CHN2: variants seen among roughly 807,000 people sequenced by gnomAD.
CHN2 encodes the protein beta-chimaerin.
In CHN2, 35 loss-of-function variants were observed where a neutral mutation model predicts 56.3. The ratio of observed to expected loss-of-function variants is 0.62; its 90% CI spans 0.47 to 0.82. CHN2 has a LOEUF of 0.82. Among genes scored for constraint, CHN2 ranks in the 40% least tolerant of loss-of-function variants. The pLI is 0.00. For synonymous variants in CHN2, 210 were observed against 212.8 expected, an observed-to-expected ratio of 0.99 and a Z score of 0.12; for missense variants, 491 against 580.5, an observed-to-expected ratio of 0.85 and a Z score of 1.58.
rs534973511 is a variant in CHN2 at position 29,508,351 on chromosome 7, A to G, written c.1130-950A>G. 3.9e-4 allele frequency among the ~76,000 whole-genome samples: 59 copies of G among 152,026 alleles called. 1 individual carries two copies. In the South Asian group the frequency reaches 4.2e-3, roughly 11 times the overall value. On this transcript the variant is annotated intron_variant, in intron 11 of 12. Transcript: ENST00000222792. Reference sequence around the variant, plus strand: ...CAAAGGTAGATTCAGATGCTGAGACACATGACACGGAAGTCAAGCTCACTT... The same window carrying G: ...CAAAGGTAGATTCAGATGCTGAGACGCATGACACGGAAGTCAAGCTCACTT...
chr7:29,381,730 C>G (rs1285736459), intron 3 of CHN2, among the ~76,000 whole-genome samples: 1 of 147,510 alleles, frequency 6.8e-6, no homozygotes, highest in Non-Finnish European at 1.5e-5. Flanking sequence ...CTGGCTCCAG[C>G]CCTGGAGATT....
chr7:29,220,627 T>C (rs1785719627), intron 1 of CHN2, among the ~76,000 whole-genome samples: 1 of 152,148 alleles, frequency 6.6e-6, no homozygotes, highest in South Asian at 2.1e-4. Context: ...TGAAAAATCC[T>C]AAATTTATTA....
intron 1 of CHN2, among the ~76,000 whole-genome samples, chr7:29,348,377 T>G (rs1797626095): frequency 6.6e-6 from 1 of 152,204 alleles, no homozygotes; most frequent in Admixed American, 6.5e-5. Context: ...CCGCTTTTCT[T>G]TCCTCTTCTT....
chr7:29,431,063 C>G (rs1393441343), intron 6 of CHN2, among the ~76,000 whole-genome samples: 1 of 152,108 alleles, frequency 6.6e-6, no homozygotes, highest in African/African-American at 2.4e-5. Context: ...GAGAATCTGC[C>G]CCCAAGCCTA....
chr7:29,201,008 G>A (rs4722892), intron 1 of CHN2, among the ~76,000 whole-genome samples: 18,512 of 152,110 alleles, frequency 0.12, 1,529 homozygotes, highest in East Asian at 0.28. Flanking sequence ...GTACACCTTT[G>A]TGAGACTAAT....
At chr7:29,270,701 T>C (rs1313887635) in intron 1 of CHN2, among the ~76,000 whole-genome samples, 2 of 151,566 alleles carry the variant, frequency 1.3e-5, no homozygotes, top group African/African-American at 2.4e-5. Context: ...ATCTAAAAGT[T>C]TATTGAGTCA....
chr7:29,442,942 T>TC (rs1783764495), intron 6 of CHN2, among the ~76,000 whole-genome samples: 1 of 126,260 alleles, frequency 7.9e-6, no homozygotes. Flanking sequence ...TTCTTTTTTT[T>TC]TTTTTTTTTG....
At chr7:29,313,067 T>A (rs573402132) in intron 1 of CHN2, among the ~76,000 whole-genome samples, 15 of 152,308 alleles carry the variant, frequency 9.8e-5, no homozygotes, top group Non-Finnish European at 1.6e-4. Context: ...ACATGTATTC[T>A]TTTTTATCGG....
At position 29,401,034 on chromosome 7, in the gene CHN2, C is replaced by T. The variant is rs922840811; in HGVS notation, c.576+206C>T. The T allele has an allele frequency of 2.5e-5, 14 of 566,800 alleles. No homozygotes were observed. The East Asian group carries it at 3.0e-4, about 12-fold the overall frequency. 35.1% of individuals were successfully genotyped at this position (566,800 alleles called of 1,614,324 possible). Reference sequence around the variant, plus strand: ...CATGCCTGTAATCTCTTTGGGAGGCCGAGGCAGGTGGATCACGAGGTCAGG... The same window carrying T: ...CATGCCTGTAATCTCTTTGGGAGGCTGAGGCAGGTGGATCACGAGGTCAGG... On this transcript the variant is annotated intron_variant, in intron 6 of 12. Transcript: ENST00000222792.
chr7:29,448,594 T>C (rs1431960524), intron 6 of CHN2, among the ~76,000 whole-genome samples: 1 of 152,208 alleles, frequency 6.6e-6, no homozygotes, highest in Non-Finnish European at 1.5e-5. Context: ...CTTCCCTTAC[T>C]TTCTTCTTTC....
At chr7:29,471,830 TACAGC>T (rs1786072559) in intron 6 of CHN2, among the ~76,000 whole-genome samples, 1 of 152,172 alleles carries the variant, frequency 6.6e-6, no homozygotes, top group Admixed American at 6.5e-5. Context: ...ACCAGGACTA[TACAGC>T]TTGAACTAGC....
chr7:29,355,368 A>G (rs1414826480), intron 2 of CHN2, among the ~76,000 whole-genome samples: 1 of 152,222 alleles, frequency 6.6e-6, no homozygotes, highest in Non-Finnish European at 1.5e-5. Flanking sequence ...ATAAAATATC[A>G]TATGACATCA....
At chr7:29,379,007 A>G (rs893856960) in intron 3 of CHN2, among the ~76,000 whole-genome samples, 3 of 152,224 alleles carry the variant, frequency 2.0e-5, no homozygotes, top group Non-Finnish European at 4.4e-5. Flanking sequence ...TACATAAAGC[A>G]CTTAGAACAG....
chr7:29,371,813 T>G (rs1799636945), intron 3 of CHN2, among the ~76,000 whole-genome samples: 1 of 152,192 alleles, frequency 6.6e-6, no homozygotes, highest in Admixed American at 6.5e-5. Context: ...TCCTCCATTC[T>G]TAGCATCAAG....
intron 6 of CHN2, among the ~76,000 whole-genome samples, chr7:29,463,128 C>CATTAATACCTAGCATTTCTTTA (rs1785295149): frequency 6.6e-6 from 1 of 152,162 alleles, no homozygotes; most frequent in Admixed American, 6.5e-5. Flanking sequence ...GCATCATTTT[C>CATTAATACCTAGCATTTCTTTA]ATTAATACCT....
At chr7:29,216,458 C>G (rs1444704791) in intron 1 of CHN2, among the ~76,000 whole-genome samples, 1 of 152,226 alleles carries the variant, frequency 6.6e-6, no homozygotes, top group Non-Finnish European at 1.5e-5. Context: ...TGTCTATTAT[C>G]ACTTTGTGGA....
chr7:29,328,664 C>T (rs1795987945), intron 1 of CHN2, among the ~76,000 whole-genome samples: 1 of 149,618 alleles, frequency 6.7e-6, no homozygotes, highest in Admixed American at 6.7e-5. Flanking sequence ...CACACTATTG[C>T]TGAATTAAAA....
At chr7:29,248,226 C>T (rs188587126) in intron 1 of CHN2, among the ~76,000 whole-genome samples, 1 of 152,344 alleles carries the variant, frequency 6.6e-6, no homozygotes, top group African/African-American at 2.4e-5. Context: ...GTCCTAGCAG[C>T]TGGTGGCAAT....
chr7:29,380,790 G>A (rs1165046337), intron 3 of CHN2: 1 of 152,188 alleles, frequency 6.6e-6, no homozygotes, highest in East Asian at 1.9e-4. Flanking sequence ...GGTACTTCAA[G>A]CTCTTTGGGC....
Sources: allele counts gnomAD v4.1 joint callset (sites outside exome capture counted in the v4.1 genomes callset), GRCh38; gene constraint gnomAD v4.1.1; transcripts MANE v1.5; gene names NCBI Gene and HGNC (gene_info 2026-07-23, HGNC 2026-07-21).